Variants in LIMCH1 observed in about 807,000 individuals in gnomAD.
The protein encoded by LIMCH1 is LIM and calponin homology domains 1.
A neutral mutation model predicts 176.5 loss-of-function variants in LIMCH1; 113 were observed. The ratio of observed to expected loss-of-function variants is 0.64; its 90% confidence interval spans 0.55 to 0.75. The LOEUF (loss-of-function observed/expected upper bound fraction) is 0.75, where lower values mean the gene tolerates loss of function less well. Ranked by LOEUF, LIMCH1 falls within the 30% of genes least tolerant of loss-of-function variation. The probability of loss-of-function intolerance (pLI) is 0.00; values close to 1 mark genes in which losing one functional copy is unlikely to be tolerated. For missense variants in LIMCH1, 1,674 were observed against 1,814.9 expected, an observed-to-expected ratio of 0.92 and a Z score of 1.41; for synonymous variants, 619 against 645.9, an observed-to-expected ratio of 0.96 and a Z score of 0.63.
At chr4:41,421,027 T>C (rs1485278263) in intron 1 of LIMCH1, among the ~76,000 whole-genome samples, 1 of 152,192 alleles carries the variant, frequency 6.6e-6, no homozygotes, top group Non-Finnish European at 1.5e-5. Context: ...CTTTGGGCCT[T>C]ACTGCAACCT....
chr4:41,506,531 T>C (rs2074181972), intron 2 of LIMCH1, among the ~76,000 whole-genome samples: 1 of 152,156 alleles, frequency 6.6e-6, no homozygotes, highest in Non-Finnish European at 1.5e-5. Context: ...GCTTGGGGAC[T>C]GGACCCACAC....
intron 1 of LIMCH1, among the ~76,000 whole-genome samples, chr4:41,470,466 A>G (rs1298972344): frequency 6.6e-6 from 1 of 152,082 alleles, no homozygotes; most frequent in Non-Finnish European, 1.5e-5. Flanking sequence ...CTACTGGGTC[A>G]TTCCTTTAGT....
rs1715268385 is a variant in LIMCH1 at position 41,680,994 on chromosome 4, G to C, written c.3652G>C (p.Val1218Leu). The stretch of plus-strand genomic sequence containing the variant: ...TGAAGACACTGTGGTTCCATTTACT[G>C]TTTCTTCAAGTTCCGCTGACCAGCT... ...IIEDTVVPFT[V>L]SSSSADQLST... Residue 1218 changes from valine (V) to leucine (L), a missense_variant, in exon 25 of 32, where the codon GTT (valine) becomes CTT (leucine). Physicochemically the swap from Val to Leu is conservative, Grantham distance 32. Transcript: ENST00000503057. 6.2e-7 allele frequency: 1 copy of C among 1,612,226 alleles called. No homozygotes were observed. Among genetic ancestry groups the C allele is most frequent in the East Asian group, 2.2e-5 (1 of 44,852 alleles).
At chr4:41,693,852 C>T (rs960346678) in intron 31 of LIMCH1, among the ~76,000 whole-genome samples, 7 of 152,064 alleles carry the variant, frequency 4.6e-5, no homozygotes, top group Admixed American at 3.3e-4. Flanking sequence ...TTGAAAAGTG[C>T]TGTAGATCTG....
chr4:41,462,698 A>T, intron 1 of LIMCH1, among the ~76,000 whole-genome samples: 1 of 152,226 alleles, frequency 6.6e-6, no homozygotes, highest in East Asian at 1.9e-4. Context: ...ACCCAAAACC[A>T]CAAAGCAATT....
chr4:41,631,433 C>T lies in LIMCH1; in HGVS notation c.1557C>T (p.Ser519=), dbSNP rs1439562981. The change falls in exon 10 of 32, where the codon TCC becomes TCT. Residue 519 remains serine (S), a synonymous_variant. Coordinates refer to ENST00000503057, the MANE Select transcript of LIMCH1 (RefSeq NM_001330672.2). ...TGTCTCCTGTCTCAGCGGCCACTTCCAGCTTAAAGGGCCACCAAATATTTA... is the reference window on the plus strand; with the variant it reads ...TGTCTCCTGTCTCAGCGGCCACTTCTAGCTTAAAGGGCCACCAAATATTTA... ...DSVSPVSAAT[S]SLKGHQIFNR... 3.9e-6 allele frequency: 6 copies of T among 1,530,126 alleles called. No homozygotes were observed. The highest frequency in any genetic ancestry group is 5.2e-6 in the Non-Finnish European group (6 of 1,145,018). 94.8% of individuals were successfully genotyped at this position (1,530,126 alleles called of 1,614,324 possible).
intron 1 of LIMCH1, among the ~76,000 whole-genome samples, chr4:41,581,146 C>CTATCT (rs5857802): frequency 0.13 from 19,120 of 148,312 alleles, 1,617 homozygotes; most frequent in African/African-American, 0.24. Context: ...ATCTATCTAT[C>CTATCT]ATCTAATCAA....
intron 1 of LIMCH1, among the ~76,000 whole-genome samples, chr4:41,588,518 C>G (rs1405679050): frequency 1.3e-5 from 2 of 152,142 alleles, no homozygotes; most frequent in Non-Finnish European, 2.9e-5. Context: ...TCCAGTAGCA[C>G]AGGGAGCCAA....
intron 1 of LIMCH1, among the ~76,000 whole-genome samples, chr4:41,561,941 C>T (rs964017737): frequency 1.3e-5 from 2 of 152,202 alleles, no homozygotes; most frequent in Admixed American, 1.3e-4. Flanking sequence ...AAAAAGCCTT[C>T]TCTCTAGAGA....
intron 2 of LIMCH1, chr4:41,494,626 A>G (rs767966361): frequency 6.6e-7 from 1 of 1,525,070 alleles, no homozygotes; most frequent in South Asian, 1.2e-5. Flanking sequence ...GCCTATATTC[A>G]GTTGGTTTTA....
At chr4:41,576,634 GTCTT>G (rs2084513837) in intron 1 of LIMCH1, among the ~76,000 whole-genome samples, 2 of 152,162 alleles carry the variant, frequency 1.3e-5, no homozygotes, top group Admixed American at 6.5e-5. Flanking sequence ...GGCGGGGACA[GTCTT>G]TGTTTATGTC....
intron 1 of LIMCH1, among the ~76,000 whole-genome samples, chr4:41,542,404 A>G (rs2078789018): frequency 6.6e-6 from 1 of 151,622 alleles, no homozygotes; most frequent in Non-Finnish European, 1.5e-5. Flanking sequence ...TCTGCTCTCA[A>G]ATTACTCAGT....
intron 1 of LIMCH1, among the ~76,000 whole-genome samples, chr4:41,425,513 A>T (rs1322532352): frequency 6.6e-6 from 1 of 151,920 alleles, no homozygotes; most frequent in Non-Finnish European, 1.5e-5. Flanking sequence ...CACCTGGCTA[A>T]TTTTTGTATT....
chr4:41,645,255 A>G (rs967037720), intron 15 of LIMCH1, among the ~76,000 whole-genome samples: 2 of 152,184 alleles, frequency 1.3e-5, no homozygotes, highest in Non-Finnish European at 2.9e-5. Context: ...TATTTCATTT[A>G]ATTCTCACAA....
At chr4:41,695,582 T>G (rs1730013642) in intron 31 of LIMCH1, among the ~76,000 whole-genome samples, 1 of 152,158 alleles carries the variant, frequency 6.6e-6, no homozygotes, top group Non-Finnish European at 1.5e-5. Context: ...TTACTGAATG[T>G]TTTTAATTAT....
Position 41,692,344 on chromosome 4 carries a change from T to C in LIMCH1, c.4338T>C (p.Asn1446=), listed in dbSNP as rs1382157579. Residue 1446 remains asparagine, a synonymous_variant, in exon 31 of 32, where the codon AAT becomes AAC. Coordinates refer to ENST00000503057, the MANE Select transcript of LIMCH1 (RefSeq NM_001330672.2). ...AVSGTDVRIR[N]GLLNCNDCYM... is the part of the protein sequence containing the mutation. ...GTGGGACGGATGTTAGGATTCGAAA[T>C]GGTCTCCTGAACTGTAATGATTGCT... The C allele has an allele frequency of 6.2e-7, 1 of 1,613,428 alleles. No homozygotes were observed. The highest frequency in any genetic ancestry group is 8.5e-7 in the Non-Finnish European group (1 of 1,179,562).
chr4:41,487,963 A>G (rs539570341), intron 1 of LIMCH1, among the ~76,000 whole-genome samples: 2 of 144,148 alleles, frequency 1.4e-5, no homozygotes, highest in Admixed American at 1.4e-4. Flanking sequence ...GTTATCTTGT[A>G]TTTATCATAA....
intron 1 of LIMCH1, among the ~76,000 whole-genome samples, chr4:41,444,107 T>C (rs941705115): frequency 6.6e-6 from 1 of 152,172 alleles, no homozygotes; most frequent in Non-Finnish European, 1.5e-5. Flanking sequence ...GGCTCAGAGA[T>C]TGAAGAGTGC....
chr4:41,434,515 G>T (rs1219551990), intron 1 of LIMCH1, among the ~76,000 whole-genome samples: 1 of 152,106 alleles, frequency 6.6e-6, no homozygotes, highest in Non-Finnish European at 1.5e-5. Flanking sequence ...GTTACAGTTG[G>T]TTTTTGGGGT....
Sources: allele counts gnomAD v4.1 joint callset (sites outside exome capture counted in the v4.1 genomes callset), GRCh38; gene constraint gnomAD v4.1.1; transcripts MANE v1.5; gene names NCBI Gene and HGNC (gene_info 2026-07-23, HGNC 2026-07-21).